The following ST3GAL1 variants were observed in gnomAD, a reference collection of about 807,000 sequenced individuals.
The protein encoded by ST3GAL1 is ST3 beta-galactoside alpha-2,3-sialyltransferase 1.
A neutral mutation model predicts 34.1 loss-of-function variants in ST3GAL1; 16 were observed. The ratio of observed to expected loss-of-function variants is 0.47; its 90% CI spans 0.32 to 0.71. ST3GAL1 has a LOEUF of 0.71. ST3GAL1 is among the 30% of genes least tolerant of loss of function. The pLI, the probability that ST3GAL1 is intolerant of heterozygous loss-of-function variation, is 0.04. For synonymous variants in ST3GAL1, 191 were observed against 184.7 expected (o/e 1.03, Z -0.28); for missense variants, 353 against 447.4 (o/e 0.79, Z 1.90).
At chr8:133,473,150 G>A (rs1816030494) in intron 5 of ST3GAL1, among the ~76,000 whole-genome samples, 1 of 152,144 alleles carries the variant, frequency 6.6e-6, no homozygotes, top group Admixed American at 6.5e-5. Flanking sequence ...ATATCCAGAA[G>A]CTGATGTTTT....
chr8:133,485,222 C>T (rs1008441), intron 3 of ST3GAL1, among the ~76,000 whole-genome samples: 142,174 of 152,102 alleles, frequency 0.93, 66,577 homozygotes, highest in East Asian at 1. Flanking sequence ...CTGTCCATAG[C>T]GCTTTGGAAG....
At chr8:133,476,133 T>C in intron 4 of ST3GAL1, 59 bp from the exon 5 acceptor site, 1 of 1,268,294 alleles carries the variant, frequency 7.9e-7, no homozygotes, top group East Asian at 2.4e-5. Context: ...TCAAAAGGGA[T>C]GGCAGGAATT....
intron 2 of ST3GAL1, among the ~76,000 whole-genome samples, chr8:133,541,867 C>T (rs11782918): frequency 0.62 from 94,273 of 151,994 alleles, 31,283 homozygotes; most frequent in East Asian, 0.93. Context: ...GGCCTGAACA[C>T]GGTTTAATAA....
intron 3 of ST3GAL1, among the ~76,000 whole-genome samples, chr8:133,497,455 AATTTTTTTTTTTTTTTT>A (rs1327917246): frequency 9.9e-6 from 1 of 101,242 alleles, no homozygotes; most frequent in Non-Finnish European, 1.9e-5. Context: ...ATTTTGTTGG[AATTTTTTTTTTTTTTTT>A]TTTTTTTTTT....
chr8:133,477,296 C>T (rs1816215634), intron 3 of ST3GAL1, among the ~76,000 whole-genome samples: 1 of 152,294 alleles, frequency 6.6e-6, no homozygotes, highest in Non-Finnish European at 1.5e-5. Context: ...TCTTCTTCAA[C>T]ATGTGAATGA....
intron 9 of ST3GAL1, among the ~76,000 whole-genome samples, chr8:133,460,486 C>T (rs973160113): frequency 6.6e-6 from 1 of 152,254 alleles, no homozygotes; most frequent in Non-Finnish European, 1.5e-5. Flanking sequence ...GGCCAACATT[C>T]ATCTGGTCCA....
In ST3GAL1 at chr8:133,465,926, C is replaced by T; in HGVS notation, c.471G>A (p.Gly157=). Reference sequence around the variant, plus strand: ...CAAAGTCGTGACTGTCTATCTCAGGCCCATAAGAAGACTCCCTCAGGTTGC... The same window carrying T: ...CAAAGTCGTGACTGTCTATCTCAGGTCCATAAGAAGACTCCCTCAGGTTGC... ...NSGNLRESSY[G]PEIDSHDFVL... Residue 157 remains glycine, a synonymous_variant, in exon 6 of 10, where the codon GGG becomes GGA. Coordinates refer to ENST00000522652, the MANE Select transcript of ST3GAL1 (RefSeq NM_173344.3). 1 of 1,614,094 alleles carries T rather than the reference C, an allele frequency of 6.2e-7. No homozygotes were observed. The highest frequency in any genetic ancestry group is 8.5e-7 in the Non-Finnish European group (1 of 1,179,958).
chr8:133,541,149 A>G (rs1818516474), intron 2 of ST3GAL1, among the ~76,000 whole-genome samples: 1 of 140,212 alleles, frequency 7.1e-6, no homozygotes, highest in African/African-American at 2.7e-5. Context: ...AGAGAGAGAG[A>G]GAGACTGTGT....
At position 133,534,927 on chromosome 8, in the gene ST3GAL1, G is replaced by A. The variant is rs114543277; in HGVS notation, c.-429+10847C>T. Among the ~76,000 whole-genome samples the A allele has an allele frequency of 1.5e-3, 222 of 152,318 alleles. 1 individual carries two copies. Among genetic ancestry groups the A allele is most frequent in the African/African-American group, 5.2e-3 (217 of 41,578 alleles). The stretch of plus-strand genomic sequence containing the variant: ...GAAGAATAAAGCATAGGCTACCACC[G>A]CTCAAGGGGCTCCCAGTGCAGCAGG... On this transcript the variant is annotated intron_variant, in intron 2 of 9. Coordinates refer to ENST00000522652, the MANE Select transcript of ST3GAL1 (RefSeq NM_173344.3).
chr8:133,569,335 T>C (rs1563747288), intron 1 of ST3GAL1, among the ~76,000 whole-genome samples: 1 of 152,200 alleles, frequency 6.6e-6, no homozygotes, highest in Non-Finnish European at 1.5e-5. Context: ...GATGGAACTT[T>C]TTTCCCTAGA....
chr8:133,530,794 C>T (rs1818131003), intron 2 of ST3GAL1, among the ~76,000 whole-genome samples: 1 of 152,174 alleles, frequency 6.6e-6, no homozygotes, highest in African/African-American at 2.4e-5. Flanking sequence ...CTGGGGACTT[C>T]CTGGGGCCAG....
chr8:133,504,712 G>A (rs1470188113), intron 2 of ST3GAL1, among the ~76,000 whole-genome samples: 1 of 151,388 alleles, frequency 6.6e-6, no homozygotes, highest in Non-Finnish European at 1.5e-5. Flanking sequence ...GAAGAGACAG[G>A]GGAATTCAGC....
chr8:133,494,904 T>A (rs1816894924), intron 3 of ST3GAL1, among the ~76,000 whole-genome samples: 1 of 148,356 alleles, frequency 6.7e-6, no homozygotes, highest in African/African-American at 2.5e-5. Flanking sequence ...TCTGCGTTTT[T>A]CCTCTATTCT....
At chr8:133,551,586 GAAAGAAAGAAAGAAAGAAAGAAA>G (rs1563739103) in intron 1 of ST3GAL1, among the ~76,000 whole-genome samples, 6 of 149,884 alleles carry the variant, frequency 4.0e-5, no homozygotes, top group African/African-American at 1.5e-4. Flanking sequence ...AAGAAAGAAA[GAAAGAAAGAAAGAAAGAAAGAAA>G]GAAAGAAAGA....
intron 3 of ST3GAL1, among the ~76,000 whole-genome samples, chr8:133,497,528 G>C (rs900052168): frequency 7.0e-6 from 1 of 142,584 alleles, no homozygotes; most frequent in East Asian, 2.3e-4. Context: ...TGGAGTGCAC[G>C]GGCGCAATCT....
intron 3 of ST3GAL1, among the ~76,000 whole-genome samples, chr8:133,488,622 G>A (rs1168096400): frequency 6.6e-6 from 1 of 152,202 alleles, no homozygotes; most frequent in African/African-American, 2.4e-5. Flanking sequence ...CTGCTCCCCT[G>A]GAGAGCCCTG....
At chr8:133,493,080 A>T (rs1816833276) in intron 3 of ST3GAL1, among the ~76,000 whole-genome samples, 1 of 152,222 alleles carries the variant, frequency 6.6e-6, no homozygotes, top group Non-Finnish European at 1.5e-5. Context: ...TAGGCATCCA[A>T]CACTGGGAGT....
intron 2 of ST3GAL1, among the ~76,000 whole-genome samples, chr8:133,515,078 T>C (rs1312028027): frequency 6.6e-6 from 1 of 152,186 alleles, no homozygotes. Flanking sequence ...CCCCACCCTC[T>C]GCCAGCTTCT....
At chr8:133,493,266 A>G (rs1816837484) in intron 3 of ST3GAL1, among the ~76,000 whole-genome samples, 1 of 152,228 alleles carries the variant, frequency 6.6e-6, no homozygotes, top group African/African-American at 2.4e-5. Flanking sequence ...TCCTCCCACA[A>G]TGCAGTGATA....
Sources: gnomAD v4.1 joint callset for allele counts (sites outside exome capture counted in the v4.1 genomes callset) on GRCh38, gnomAD v4.1.1 for gene constraint, MANE v1.5 for transcripts, NCBI Gene and HGNC (gene_info 2026-07-23, HGNC 2026-07-21) for gene names.